RAD50: variants seen among roughly 807,000 people sequenced by gnomAD.
RAD50 encodes RAD50 double strand break repair protein, also known as DNA repair protein RAD50.
A neutral mutation model predicts 168.8 loss-of-function variants in RAD50; 132 were observed. The observed-to-expected ratio is 0.78, with a 90% CI of 0.68 to 0.90. The LOEUF is 0.90. Ranked by LOEUF, RAD50 falls within the 40% of genes least tolerant of loss-of-function variation. RAD50 has a pLI of 0.00. For missense variants in RAD50, 1,347 were observed against 1,534.4 expected (o/e 0.88, Z 2.04); for synonymous variants, 525 against 497.4 (o/e 1.06, Z -0.74).
At chr5:132,607,444 A>G (rs1020876599) in intron 16 of RAD50, among the ~76,000 whole-genome samples, 4 of 152,224 alleles carry the variant, frequency 2.6e-5, no homozygotes, top group Non-Finnish European at 5.9e-5. Context: ...TCAACCAGTT[A>G]TAAACAGTTA....
At chr5:132,625,699 G>A (rs1034179126) in intron 21 of RAD50, among the ~76,000 whole-genome samples, 2 of 150,646 alleles carry the variant, frequency 1.3e-5, no homozygotes, top group Non-Finnish European at 3.0e-5. Context: ...CTAGTCTCTG[G>A]TAACTATCAT....
Position 132,557,222 on chromosome 5 carries a change from C to G in RAD50, c.-103C>G. The G allele has an allele frequency of 6.7e-7, 1 of 1,494,266 alleles. No individual in the cohort carries two copies. The highest frequency in any genetic ancestry group is 1.1e-5 in the South Asian group (1 of 87,924). 92.6% of individuals were successfully genotyped at this position (1,494,266 alleles called of 1,614,324 possible). A position where few individuals can be genotyped will look rare whatever the true frequency, so the allele number is the denominator to read the frequency against. ...TCGCTCCCCGCCCGGATCCTCCTGA[C>G]CCTGAGATTCGCGGGTCTCACGTCC... is the stretch of plus-strand genomic sequence containing the variant. On this transcript the variant is annotated 5_prime_UTR_variant, in exon 1 of 25. Coordinates refer to ENST00000378823, the MANE Select transcript of RAD50 (RefSeq NM_005732.4).
At chr5:132,604,366 A>G (rs1171316557) in intron 15 of RAD50, among the ~76,000 whole-genome samples, 1 of 151,782 alleles carries the variant, frequency 6.6e-6, no homozygotes, top group Admixed American at 6.6e-5. Flanking sequence ...CCCGGGTTCA[A>G]GTGATTCTCC....
chr5:132,599,858 A>T (rs190253238), intron 13 of RAD50, among the ~76,000 whole-genome samples: 8 of 152,254 alleles, frequency 5.3e-5, no homozygotes, highest in Non-Finnish European at 1.2e-4. Context: ...TCCCCCACGT[A>T]AAGTGAGGGG....
chr5:132,579,873 C>G lies in RAD50; in HGVS notation c.563C>G (p.Ala188Gly). 1 of 1,610,864 alleles carries G rather than the reference C, an allele frequency of 6.2e-7. No homozygotes were observed. The highest frequency in any genetic ancestry group is 8.5e-7 in the Non-Finnish European group (1 of 1,177,358). Reference protein sequence around the residue: ...EIFSATRYIKALETLRQVRQT... With the variant: ...EIFSATRYIKGLETLRQVRQT... ...TCATATCTTCAAAGATACATTAAAG[C>G]CTTAGAAACACTTCGGCAGGTACGT... is the stretch of plus-strand genomic sequence containing the variant. Residue 188 changes from alanine (A) to glycine (G), a missense_variant, in exon 5 of 25, where the codon GCC becomes GGC. By Grantham distance (60) the Ala-to-Gly change is moderately conservative. This residue lies in a region of RAD50 where 703 missense variants were observed against 767.7 expected (regional missense o/e 0.92). Transcript: ENST00000378823.
rs552799830 is a variant in RAD50 at position 132,643,917 on chromosome 5, C to T, written c.*1553C>T. The T allele has an allele frequency of 4.3e-6, 1 of 231,238 alleles. No homozygotes were observed. The highest frequency in any genetic ancestry group is 1.8e-4 in the South Asian group (1 of 5,512). The allele number at this position is 231,238 out of a possible 1,614,324, so 14.3% of individuals were successfully genotyped here. A position where few individuals can be genotyped will look rare whatever the true frequency, so the allele number is the denominator to read the frequency against. On this transcript the variant is annotated 3_prime_UTR_variant, in exon 25 of 25. Transcript: ENST00000378823. ...AAAAATTCTGAAAAAATTCTAGCAG[C>T]TATATTTGATAAAATTCAACATCTC...
intron 23 of RAD50, among the ~76,000 whole-genome samples, chr5:132,638,639 C>A (rs939887830): frequency 6.6e-6 from 1 of 152,134 alleles, no homozygotes; most frequent in African/African-American, 2.4e-5. Context: ...TATTGCAAAC[C>A]AGATTCTAGC....
In RAD50 at chr5:132,643,980, T is replaced by A. The variant is rs1751798294; in HGVS notation, c.*1616T>A. ...AACTCACAGTTTTGCAAATAATATT[T>A]TCTTAATGTTATCTGTTGCTAAATC... is the stretch of plus-strand genomic sequence containing the variant. On this transcript the variant is annotated 3_prime_UTR_variant, in exon 25 of 25. Transcript: ENST00000378823. 1 of 226,436 alleles carries A rather than the reference T, an allele frequency of 4.4e-6. No homozygotes were observed. Among genetic ancestry groups the A allele is most frequent in the African/African-American group, 2.2e-5 (1 of 45,040 alleles). 14.0% of individuals were successfully genotyped at this position (226,436 alleles called of 1,614,324 possible).
In RAD50 at chr5:132,594,928, A is replaced by G. The variant is rs1437877117; in HGVS notation, c.1853A>G (p.Lys618Arg). ...KNHINNELKR[K>R]EEQLSSYEDK... ...CATATAAATAATGAACTAAAAAGAA[A>G]GGAAGAGCAGTTGTCCAGTTACGAA... Residue 618 changes from lysine to arginine, a missense_variant, in exon 12 of 25, where the codon AAG (lysine) becomes AGG (arginine). This residue lies in a region of RAD50 where 703 missense variants were observed against 767.7 expected (regional missense o/e 0.92). Transcript: ENST00000378823. 1 of 1,609,158 alleles carries G rather than the reference A, an allele frequency of 6.2e-7. No individual in the cohort carries two copies. Among genetic ancestry groups the G allele is most frequent in the South Asian group, 1.1e-5 (1 of 90,974 alleles).
intron 20 of RAD50, among the ~76,000 whole-genome samples, chr5:132,617,209 T>C (rs1206853242): frequency 6.6e-6 from 1 of 152,224 alleles, no homozygotes; most frequent in East Asian, 1.9e-4. Flanking sequence ...GAAATTTTGA[T>C]ATAAAATAAT....
At chr5:132,610,027 G>A (rs916946905) in intron 19 of RAD50, among the ~76,000 whole-genome samples, 2 of 148,490 alleles carry the variant, frequency 1.3e-5, no homozygotes, top group East Asian at 2.0e-4. Context: ...AGGTGTGTGT[G>A]TATATATATA....
At position 132,645,047 on chromosome 5, in the gene RAD50, C is replaced by T. The variant is rs1751821736; in HGVS notation, c.*2683C>T. On this transcript the variant is annotated 3_prime_UTR_variant, in exon 25 of 25. Coordinates refer to ENST00000378823, the MANE Select transcript of RAD50 (RefSeq NM_005732.4). ...GGCCTCCCTCAGCCCCTTTTTGTTT[C>T]CTCCAGTGAGAAGATACTCAGTTCT... 1 of 152,110 alleles carries T rather than the reference C, an allele frequency of 6.6e-6. No homozygotes were observed. Among genetic ancestry groups the T allele is most frequent in the African/African-American group, 2.4e-5 (1 of 41,394 alleles). 9.4% of individuals were successfully genotyped at this position (152,110 alleles called of 1,614,324 possible). A position where few individuals can be genotyped will look rare whatever the true frequency, so the allele number is the denominator to read the frequency against.
Position 132,608,736 on chromosome 5 carries a change from A to G in RAD50, c.2829+11A>G, listed in dbSNP as rs777421119. On this transcript the variant is annotated intron_variant, in intron 17 of 24. Coordinates refer to ENST00000378823, the MANE Select transcript of RAD50 (RefSeq NM_005732.4). ...ATAGCACAGGATAAAGTAAGATTTC[A>G]TTTATATATTTACTTATCAAATATC... 1 of 1,563,782 alleles carries G rather than the reference A, an allele frequency of 6.4e-7. No homozygotes were observed. Among genetic ancestry groups the G allele is most frequent in the Non-Finnish European group, 8.7e-7 (1 of 1,154,406 alleles).
At chr5:132,593,859 G>A (rs917109966) in intron 11 of RAD50, among the ~76,000 whole-genome samples, 2 of 152,188 alleles carry the variant, frequency 1.3e-5, no homozygotes, top group African/African-American at 4.8e-5. Flanking sequence ...CAAAGGAAAA[G>A]GAGCAAGTGA....
chr5:132,625,607 G>A (rs1346291335), intron 21 of RAD50, among the ~76,000 whole-genome samples: 2 of 151,906 alleles, frequency 1.3e-5, no homozygotes, highest in African/African-American at 4.8e-5. Context: ...ATTGTTGACT[G>A]TAGTCACTCT....
chr5:132,589,358 A>G (rs1283043553), intron 8 of RAD50, among the ~76,000 whole-genome samples: 1 of 152,196 alleles, frequency 6.6e-6, no homozygotes, highest in Non-Finnish European at 1.5e-5. Flanking sequence ...GTACAGTAAT[A>G]TGCTGTATAG....
At chr5:132,570,240 A>G (rs1403090096) in intron 2 of RAD50, among the ~76,000 whole-genome samples, 1 of 152,132 alleles carries the variant, frequency 6.6e-6, no homozygotes, top group Non-Finnish European at 1.5e-5. Context: ...CAAGTAAGGA[A>G]TCTATGAGTT....
At chr5:132,560,832 C>T (rs2149831902) in intron 2 of RAD50, among the ~76,000 whole-genome samples, 1 of 152,302 alleles carries the variant, frequency 6.6e-6, no homozygotes, top group East Asian at 1.9e-4. Flanking sequence ...AAAACTCTCC[C>T]TTTACTCCAA....
At chr5:132,580,272 A>C (rs1750483344) in intron 5 of RAD50, among the ~76,000 whole-genome samples, 1 of 152,182 alleles carries the variant, frequency 6.6e-6, no homozygotes, top group African/African-American at 2.4e-5. Flanking sequence ...GATGTACAGT[A>C]GTTAATTTCT....
Sources: gnomAD v4.1 joint callset for allele counts (sites outside exome capture counted in the v4.1 genomes callset) on GRCh38, gnomAD v4.1.1 for gene constraint, gnomAD v4.1.1 regional missense constraint, MANE v1.5 for transcripts, NCBI Gene and HGNC (gene_info 2026-07-23, HGNC 2026-07-21) for gene names.